The following PEPD variants were observed in gnomAD, a reference collection of about 807,000 sequenced individuals.
PEPD encodes xaa-Pro dipeptidase.
In PEPD, 53 loss-of-function variants were observed where a neutral mutation model predicts 60.7. The ratio of observed to expected loss-of-function variants is 0.87; its 90% confidence interval spans 0.70 to 1.10. PEPD has a LOEUF of 1.10. Ranked by LOEUF, PEPD falls within the 50% of genes least tolerant of loss-of-function variation. The pLI, the probability that PEPD is intolerant of heterozygous loss-of-function variation, is 0.00. For synonymous variants in PEPD, 267 were observed against 284.1 expected, an observed-to-expected ratio of 0.94 and a Z score of 0.60; for missense variants, 711 against 711.9, an observed-to-expected ratio of 1.00 and a Z score of 0.01.
intron 6 of PEPD, among the ~76,000 whole-genome samples, chr19:33,486,665 G>A (rs1182385836): frequency 1.3e-5 from 2 of 152,184 alleles, no homozygotes; most frequent in Non-Finnish European, 2.9e-5. Flanking sequence ...CTGATCTGGG[G>A]AGGTGGAGGG....
intron 11 of PEPD, among the ~76,000 whole-genome samples, chr19:33,408,973 A>G (rs1485495683): frequency 6.6e-6 from 1 of 152,226 alleles, no homozygotes; most frequent in African/African-American, 2.4e-5. Context: ...TAATTACTCT[A>G]CTGGCTACAT....
At position 33,490,057 on chromosome 19, in the gene PEPD, G is replaced by C; in HGVS notation, c.442C>G (p.Arg148Gly). The change falls in exon 6 of 15, where the codon CGT becomes GGT. Residue 148 changes from arginine (R) to glycine (G), a missense_variant and splice_region_variant. Transcript: ENST00000244137. ...SQKPSVLLTL[R>G]GVNTDSGSVC... ...CTGCCGCTGTCCGTGTTGACGCCAC[G>C]CTGGGGAGAGAGAACACAGACATGA... 3 of 1,610,330 alleles carry C rather than the reference G, an allele frequency of 1.9e-6. No homozygotes were observed. Among genetic ancestry groups the C allele is most frequent in the East Asian group, 2.2e-5 (1 of 44,830 alleles).
In PEPD at chr19:33,462,355, T is replaced by G. The variant is rs933573096; in HGVS notation, c.671+640A>C. ...GGGAGGTCTCGGAATGGGGGCCTCC[T>G]GCCCCAGGACACGGGTGGGAAGGGA... On this transcript the variant is annotated intron_variant, in intron 9 of 14. Coordinates refer to ENST00000244137, the MANE Select transcript of PEPD (RefSeq NM_000285.4). Among the ~76,000 whole-genome samples the G allele has an allele frequency of 5.3e-5, 8 of 152,204 alleles. No homozygotes were observed. In the East Asian group the frequency reaches 7.7e-4, roughly 15 times the overall value.
intron 1 of PEPD, among the ~76,000 whole-genome samples, chr19:33,513,480 A>T (rs1041314593): frequency 6.7e-6 from 1 of 150,300 alleles, no homozygotes; most frequent in Non-Finnish European, 1.5e-5. Context: ...ATCTCATCCC[A>T]CCTCCTGGCC....
intron 5 of PEPD, 38 bp from the exon 6 acceptor site, chr19:33,490,095 CA>C (rs768328285): frequency 4.0e-5 from 59 of 1,492,916 alleles, no homozygotes; most frequent in Non-Finnish European, 5.3e-5. Context: ...CACGGGGCCG[CA>C]TGGCGCCCCC....
chr19:33,405,372 G>A (rs1968597412), intron 11 of PEPD, among the ~76,000 whole-genome samples: 1 of 152,262 alleles, frequency 6.6e-6, no homozygotes, highest in Non-Finnish European at 1.5e-5. Context: ...AGTTTCATTT[G>A]AATCTCCTGA....
At chr19:33,521,722 G>A (rs370811389) in intron 1 of PEPD, 22 bp downstream of exon 1, 22 of 1,578,770 alleles carry the variant, frequency 1.4e-5, no homozygotes, top group Non-Finnish European at 1.9e-5. Flanking sequence ...GCGGGAAAGA[G>A]CGAGGGAGGC....
chr19:33,401,712 G>A lies in PEPD; in HGVS notation c.967+9C>T, dbSNP rs761671278. 7 of 1,603,724 alleles carry A rather than the reference G, an allele frequency of 4.4e-6. No individual in the cohort carries two copies. The highest frequency in any genetic ancestry group is 2.2e-5 in the South Asian group (2 of 89,446). On this transcript the variant is annotated intron_variant, in intron 12 of 14. Coordinates refer to ENST00000244137, the MANE Select transcript of PEPD (RefSeq NM_000285.4). The stretch of plus-strand genomic sequence containing the variant: ...CAGATGCGCCTCCCCCCACCGACCC[G>A]CTGCTCACCTGGCTTCATGGCACCC...
intron 9 of PEPD, among the ~76,000 whole-genome samples, chr19:33,445,997 G>A (rs1969587383): frequency 6.6e-6 from 1 of 152,178 alleles, no homozygotes; most frequent in South Asian, 2.1e-4. Context: ...ACCAAGGAAG[G>A]GCCGCCTGTC....
At chr19:33,439,873 G>T (rs1969451223) in intron 9 of PEPD, among the ~76,000 whole-genome samples, 1 of 152,130 alleles carries the variant, frequency 6.6e-6, no homozygotes. Context: ...TTCCAAGGTG[G>T]GGTTCCAAGA....
At chr19:33,393,249 GTC>G in intron 12 of PEPD, among the ~76,000 whole-genome samples, 1 of 143,722 alleles carries the variant, frequency 7.0e-6, no homozygotes, top group African/African-American at 2.6e-5. Context: ...GGGGTCTGGG[GTC>G]TGGCGTGGGG....
chr19:33,505,080 C>A (rs1028344119), intron 3 of PEPD, among the ~76,000 whole-genome samples: 1 of 152,166 alleles, frequency 6.6e-6, no homozygotes, highest in Admixed American at 6.5e-5. Context: ...AGTGCAGACA[C>A]GAGGAGCCCT....
At chr19:33,417,981 G>A (rs73927868) in intron 9 of PEPD, among the ~76,000 whole-genome samples, 9,862 of 152,228 alleles carry the variant, frequency 0.065, 1,096 homozygotes, top group African/African-American at 0.22. Flanking sequence ...ACCGGGACAC[G>A]TGCGCACAGA....
At chr19:33,500,841 C>T in intron 4 of PEPD, 97 bp downstream of exon 4, 1 of 801,442 alleles carries the variant, frequency 1.2e-6, no homozygotes. Context: ...GTGTCCCTGA[C>T]ATCCAGCAAG....
At chr19:33,515,265 G>C (rs909583896) in intron 1 of PEPD, among the ~76,000 whole-genome samples, 6 of 152,262 alleles carry the variant, frequency 3.9e-5, no homozygotes, top group Middle Eastern at 6.8e-3. Context: ...GTCCCAGCCT[G>C]CCCAGGAAGG....
chr19:33,472,931 GA>G (rs1970150868), intron 7 of PEPD, among the ~76,000 whole-genome samples: 1 of 152,206 alleles, frequency 6.6e-6, no homozygotes, highest in African/African-American at 2.4e-5. Context: ...GGGAAGGACA[GA>G]AAGAAAAGAG....
chr19:33,466,410 TGAATGCAGTGCAATAA>T (rs1970017164), intron 7 of PEPD, among the ~76,000 whole-genome samples: 1 of 152,256 alleles, frequency 6.6e-6, no homozygotes, highest in South Asian at 2.1e-4. Context: ...AATTTGTGTC[TGAATGCAGTGCAATAA>T]GAAATACACA....
intron 4 of PEPD, among the ~76,000 whole-genome samples, chr19:33,498,617 G>A (rs566968921): frequency 1.3e-5 from 2 of 152,282 alleles, no homozygotes; most frequent in Non-Finnish European, 2.9e-5. Context: ...CCTGGAGGCA[G>A]GTGCCCATCC....
At chr19:33,470,100 C>CCGCT (rs1970095758) in intron 7 of PEPD, among the ~76,000 whole-genome samples, 1 of 152,054 alleles carries the variant, frequency 6.6e-6, no homozygotes, top group African/African-American at 2.4e-5. Context: ...TCACATCCAT[C>CCGCT]CGCTGCTTCC....
Sources: allele counts gnomAD v4.1 joint callset (sites outside exome capture counted in the v4.1 genomes callset), GRCh38; gene constraint gnomAD v4.1.1; transcripts MANE v1.5; gene names NCBI Gene and HGNC (gene_info 2026-07-23, HGNC 2026-07-21).